The following TM9SF1 variants were observed in gnomAD, a reference collection of about 807,000 sequenced individuals.
The protein encoded by TM9SF1 is transmembrane 9 superfamily member 1, also known as MP70 protein family member.
Under a neutral mutation model 52.4 loss-of-function variants are expected in TM9SF1, and 25 were observed. That is an observed-to-expected ratio of 0.48 (90% confidence interval 0.35 to 0.67). The LOEUF is 0.67. Ranked by LOEUF, TM9SF1 falls within the 30% of genes least tolerant of loss-of-function variation. TM9SF1 has a pLI of 0.01. For synonymous variants in TM9SF1, 284 were observed against 299.8 expected (o/e 0.95, Z 0.55); for missense variants, 604 against 780.3 (o/e 0.77, Z 2.69).
chr14:24,194,953 C>T lies in TM9SF1; in HGVS notation c.67G>A (p.Gly23Ser). ...TCCACCCCTGGCCCATGGCCTGTGC[C>T]CAGCAACAGTATCAGGATTGGCAAC... The part of the protein sequence containing the change: ...QWLPILILLL[G>S]TGHGPGVEGV... Residue 23 changes from glycine (G) to serine (S), a missense_variant, in exon 2 of 6, where the codon GGC becomes AGC. Physicochemically the swap from Gly to Ser is moderately conservative, Grantham distance 56 (BLOSUM62 0). Around this residue, in one of 3 missense-constraint regions of TM9SF1, gnomAD observed 47 missense variants for 39.7 expected, o/e 1.18. Transcript: ENST00000261789. 1 of 1,614,176 alleles carries T rather than the reference C, an allele frequency of 6.2e-7. No individual in the cohort carries two copies. The highest frequency in any genetic ancestry group is 1.1e-5 in the South Asian group (1 of 91,076).
rs1261793188 is a variant in TM9SF1, at chr14:24,189,377, G to A, written c.*38C>T. On this transcript the variant is annotated 3_prime_UTR_variant, in exon 6 of 6. Coordinates refer to ENST00000261789, the MANE Select transcript of TM9SF1 (RefSeq NM_006405.7). ...GTAGGAGAGTTCAACAGGGCATGAA[G>A]AAAGGGAGAGAACAGCAATAGTTCT... 3 of 1,570,222 alleles carry A rather than the reference G, an allele frequency of 1.9e-6. No homozygotes were observed. The highest frequency in any genetic ancestry group is 2.6e-6 in the Non-Finnish European group (3 of 1,158,166).
rs1325020813 is a variant in TM9SF1 at position 24,195,016 on chromosome 14, T to C, written c.4A>G (p.Thr2Ala). 6.2e-7 allele frequency: 1 copy of C among 1,613,284 alleles called. No homozygotes were observed. The highest frequency in any genetic ancestry group is 1.6e-4 in the Middle Eastern group (1 of 6,062). The change falls in exon 2 of 6, where the codon ACA becomes GCA. Residue 2 changes from threonine to alanine, a missense_variant. Coordinates refer to ENST00000261789, the MANE Select transcript of TM9SF1 (RefSeq NM_006405.7). Reference sequence around the variant, plus strand: ...CAACTTCGAGGGTTCCCTACGACTGTCATCCTTAAGGCAGTGGAACCTGTT... The same window carrying C: ...CAACTTCGAGGGTTCCCTACGACTGCCATCCTTAAGGCAGTGGAACCTGTT... M[T>A]VVGNPRSWSC...
intron 4 of TM9SF1, 85 bp from the exon 5 acceptor site, chr14:24,190,738 G>GA: frequency 7.7e-7 from 1 of 1,303,092 alleles, no homozygotes; most frequent in Non-Finnish European, 1.0e-6. Flanking sequence ...ACCAAAAGGG[G>GA]AGGGGGCTGA....
chr14:24,195,064 A>C (rs944920827), intron 1 of TM9SF1, 28 bp from the exon 2 acceptor site: 2 of 1,558,814 alleles, frequency 1.3e-6, no homozygotes, highest in East Asian at 4.5e-5. Context: ...GAGGTTATAG[A>C]AACCAGGGAG....
chr14:24,191,728 G>A (rs1013834490), intron 4 of TM9SF1: 2 of 158,840 alleles, frequency 1.3e-5, no homozygotes, highest in Non-Finnish European at 2.8e-5. Flanking sequence ...ATGCATTCTT[G>A]TTTTTTTTTG....
Position 24,190,361 on chromosome 14 carries a change from T to C in TM9SF1, c.1427+19A>G. The C allele has an allele frequency of 1.9e-6, 3 of 1,549,842 alleles. No individual in the cohort carries two copies. The highest frequency in any genetic ancestry group is 2.6e-6 in the Non-Finnish European group (3 of 1,146,170). ...GTCAGGAACCTGACAGTAATAGCCATGGAATAAAGGGAGGATACCTGAAAG... is the reference window on the plus strand; with the variant it reads ...GTCAGGAACCTGACAGTAATAGCCACGGAATAAAGGGAGGATACCTGAAAG... On this transcript the variant is annotated intron_variant, in intron 5 of 5. Coordinates refer to ENST00000261789, the MANE Select transcript of TM9SF1 (RefSeq NM_006405.7).
chr14:24,189,362 T>TC lies in TM9SF1; in HGVS notation c.*52dup. ...TCAGAAGAGAAGCTGGTAGGAGAGT[T>TC]CAACAGGGCATGAAGAAAGGGAGAG... On this transcript the variant is annotated 3_prime_UTR_variant, in exon 6 of 6. Transcript: ENST00000261789. 6.5e-7 allele frequency: 1 copy of TC among 1,540,774 alleles called. No individual in the cohort carries two copies. The highest frequency in any genetic ancestry group is 8.8e-7 in the Non-Finnish European group (1 of 1,142,604).
chr14:24,193,440 T>C (rs1219505597), intron 2 of TM9SF1, among the ~76,000 whole-genome samples, 171 bp from the exon 3 acceptor site: 3 of 151,852 alleles, frequency 2.0e-5, no homozygotes, highest in Non-Finnish European at 2.9e-5. Flanking sequence ...GATCTCGGCT[T>C]ACTGCAACTT....
rs1018115343 is a variant in TM9SF1, at chr14:24,192,720, G to A, written c.895C>T (p.Arg299Cys). The A allele has an allele frequency of 1.9e-5, 31 of 1,612,882 alleles. No homozygotes were observed. The highest frequency in any genetic ancestry group is 3.3e-4 in the Middle Eastern group (2 of 6,082). ...AGCAGACCACGGTATGGGGGGAAGC[G>A]GAAGACATCTGTATGGATAATTTTC... is the stretch of plus-strand genomic sequence containing the variant. ...GWKIIHTDVF[R>C]FPPYRGLLCA... The change falls in exon 3 of 6, where the codon CGC (arginine) becomes TGC (cysteine). Residue 299 changes from arginine to cysteine, a missense_variant. By Grantham distance (180) the Arg-to-Cys change is radical (BLOSUM62 -3). This residue lies in a region of TM9SF1 where 450 missense variants were observed against 560.1 expected (regional missense o/e 0.80). Transcript: ENST00000261789. This position sits in a 1 kb window ranked among gnomAD's most constrained non-coding sequence, Gnocchi z 4.0.
rs762517531 is a variant in TM9SF1, at chr14:24,192,790, G to A, written c.825C>T (p.Thr275=). Residue 275 remains threonine, a synonymous_variant, in exon 3 of 6, where the codon ACC becomes ACT. Transcript: ENST00000261789. This position sits in a 1 kb window ranked among gnomAD's most constrained non-coding sequence, Gnocchi z 4.0. ...CAAAGTCATCACCAGAACCTGCAGA[G>A]GTGGTCTCCTCATCTAAGTTGTACC... ...LARYNLDEET[T]SAGSGDDFDQ... 4 of 1,614,032 alleles carry A rather than the reference G, an allele frequency of 2.5e-6. No individual in the cohort carries two copies. Among genetic ancestry groups the A allele is most frequent in the East Asian group, 2.2e-5 (1 of 44,908 alleles).
In TM9SF1 at chr14:24,189,373, T is replaced by C; in HGVS notation, c.*42A>G. ...GCTGGTAGGAGAGTTCAACAGGGCATGAAGAAAGGGAGAGAACAGCAATAG... is the reference window on the plus strand; with the variant it reads ...GCTGGTAGGAGAGTTCAACAGGGCACGAAGAAAGGGAGAGAACAGCAATAG... On this transcript the variant is annotated 3_prime_UTR_variant, in exon 6 of 6. Coordinates refer to ENST00000261789, the MANE Select transcript of TM9SF1 (RefSeq NM_006405.7). 6.4e-7 allele frequency: 1 copy of C among 1,561,348 alleles called. No individual in the cohort carries two copies. Among genetic ancestry groups the C allele is most frequent in the Non-Finnish European group, 8.7e-7 (1 of 1,153,592 alleles).
rs369189334 is a variant in TM9SF1, at chr14:24,193,037, C to T, written c.578G>A (p.Arg193Gln). ...GGTAAGGCCTAGGAACTCGTCAGGT[C>T]GTAACCCATCCAAGCTGTGGGGCTT... ...DVKPHSLDGL[R>Q]PDEFLGLTHT... The change falls in exon 3 of 6, where the codon CGA (arginine) becomes CAA (glutamine). Residue 193 changes from arginine to glutamine, a missense_variant. Physicochemically the swap from Arg to Gln is conservative, Grantham distance 43. This residue lies in a region of TM9SF1 where 450 missense variants were observed against 560.1 expected (regional missense o/e 0.80). Transcript: ENST00000261789. 9.9e-6 allele frequency: 16 copies of T among 1,614,174 alleles called. No homozygotes were observed. The highest frequency in any genetic ancestry group is 2.2e-5 in the South Asian group (2 of 91,078).
In TM9SF1 at chr14:24,190,307, C is replaced by G. The variant is rs2234114; in HGVS notation, c.1427+73G>C. The G allele has an allele frequency of 4.9e-4, 747 of 1,523,206 alleles. 1 individual carries two copies. In the African/African-American group the frequency reaches 9.6e-3, roughly 20 times the overall value. 94.4% of individuals were successfully genotyped at this position (1,523,206 alleles called of 1,614,324 possible). ...GGGATCAACGGGTTGGGTTAGGGTA[C>G]TGGATGAGTAGGGACAGGAAAAATT... On this transcript the variant is annotated intron_variant, in intron 5 of 5. Transcript: ENST00000261789.
Position 24,192,691 on chromosome 14 carries a change from A to G in TM9SF1, c.924T>C (p.Cys308=). 6.2e-7 allele frequency: 1 copy of G among 1,605,760 alleles called. No homozygotes were observed. Among genetic ancestry groups the G allele is most frequent in the Non-Finnish European group, 8.5e-7 (1 of 1,175,508 alleles). ...FRFPPYRGLL[C]AVLGVGAQFL... ...ACTGGGCACCCACGCCAAGCACAGC[A>G]CAGAGCAGACCACGGTATGGGGGGA... The change falls in exon 3 of 6, where the codon TGT becomes TGC. Residue 308 remains cysteine (C), a synonymous_variant. Coordinates refer to ENST00000261789, the MANE Select transcript of TM9SF1 (RefSeq NM_006405.7). This position sits in a 1 kb window ranked among gnomAD's most constrained non-coding sequence, Gnocchi z 4.0.
chr14:24,189,578 T>C lies in TM9SF1; in HGVS notation c.1658A>G (p.Tyr553Cys), dbSNP rs756467476. 3.1e-6 allele frequency: 5 copies of C among 1,614,028 alleles called. No individual in the cohort carries two copies. Among genetic ancestry groups the C allele is most frequent in the East Asian group, 2.2e-5 (1 of 44,870 alleles). Residue 553 changes from tyrosine to cysteine, a missense_variant, in exon 6 of 6, where the codon TAT (tyrosine) becomes TGT (cysteine). Transcript: ENST00000261789. Reference protein sequence around the residue: ...GLFIFLYSVFYYARRSNMSGA... With the variant: ...GLFIFLYSVFCYARRSNMSGA... ...AGACATGTTGGAGCGCCGGGCATAA[T>C]AGAAAACTGAGTAGAGGAAGATGAA... is the stretch of plus-strand genomic sequence containing the variant.
In TM9SF1 at chr14:24,192,673, A is replaced by G; in HGVS notation, c.942T>C (p.Gly314=). 1.3e-6 allele frequency: 2 copies of G among 1,576,366 alleles called. No individual in the cohort carries two copies. Among genetic ancestry groups the G allele is most frequent in the East Asian group, 2.2e-5 (1 of 44,478 alleles). The change falls in exon 3 of 6, where the codon GGT becomes GGC. Residue 314 remains glycine (G), a synonymous_variant. Transcript: ENST00000261789. The surrounding 1 kb of genome is among the most constrained non-coding windows in gnomAD (Gnocchi z 4.0). ...RGLLCAVLGV[G]AQFLALGTGI... is the part of the protein sequence containing the mutation. ...CAGTGCCAAGGGCCAGGAACTGGGC[A>G]CCCACGCCAAGCACAGCACAGAGCA...
In TM9SF1 at chr14:24,192,075, G is replaced by A. The variant is rs1191572274; in HGVS notation, c.1153+96C>T. The A allele has an allele frequency of 2.3e-6, 3 of 1,302,968 alleles. No homozygotes were observed. The highest frequency in any genetic ancestry group is 1.5e-5 in the African/African-American group (1 of 68,506). 80.7% of individuals were successfully genotyped at this position (1,302,968 alleles called of 1,614,324 possible). ...GATCCTCCGGCCTCGGTCTCCCAAA[G>A]TGCTAGGATTACAGGTGTGAGCCAC... On this transcript the variant is annotated intron_variant, in intron 4 of 5. Coordinates refer to ENST00000261789, the MANE Select transcript of TM9SF1 (RefSeq NM_006405.7). This position sits in a 1 kb window ranked among gnomAD's most constrained non-coding sequence, Gnocchi z 4.0.
intron 1 of TM9SF1, 83 bp downstream of exon 1, chr14:24,195,263 T>G: frequency 1.9e-6 from 1 of 526,124 alleles, no homozygotes. Context: ...GGGCCTCTAC[T>G]ACGCGCCCTG....
chr14:24,189,476 A>G lies in TM9SF1; in HGVS notation c.1760T>C (p.Ile587Thr), dbSNP rs2039283302. 2 of 1,614,166 alleles carry G rather than the reference A, an allele frequency of 1.2e-6. No individual in the cohort carries two copies. The highest frequency in any genetic ancestry group is 1.7e-6 in the Non-Finnish European group (2 of 1,180,024). The change falls in exon 6 of 6, where the codon ATC becomes ACC. Residue 587 changes from isoleucine to threonine, a missense_variant. Physicochemically the swap from Ile to Thr is moderately conservative, Grantham distance 89 (BLOSUM62 -1). Around this residue, in one of 3 missense-constraint regions of TM9SF1, gnomAD observed 107 missense variants for 180.5 expected, o/e 0.59. Transcript: ENST00000261789. ...GYVFFLMLGT[I>T]SFFSSLKFIR... is the part of the protein sequence containing the mutation. Reference sequence around the variant, plus strand: ...GAACTTTAGGGAAGAAAAAAAGGAGATGGTGCCCAGCATGAGGAAGAAGAC... The same window carrying G: ...GAACTTTAGGGAAGAAAAAAAGGAGGTGGTGCCCAGCATGAGGAAGAAGAC...
Sources: gnomAD v4.1 joint callset for allele counts (sites outside exome capture counted in the v4.1 genomes callset) on GRCh38, gnomAD v4.1.1 for gene constraint, gnomAD v4.1.1 regional missense constraint, Gnocchi (gnomAD v3.1) non-coding constraint, MANE v1.5 for transcripts, NCBI Gene and HGNC (gene_info 2026-07-23, HGNC 2026-07-21) for gene names.